IMMP2L: variants seen among roughly 807,000 people sequenced by gnomAD.
IMMP2L encodes mitochondrial inner membrane protease subunit 2.
In IMMP2L, 18 loss-of-function variants were observed where a neutral mutation model predicts 19.3. That is an observed-to-expected ratio of 0.93 (90% confidence interval 0.64 to 1.38). The LOEUF (loss-of-function observed/expected upper bound fraction) is 1.38. Ranked by LOEUF, IMMP2L falls within the 40% of genes most tolerant of loss-of-function variation. The pLI, the probability that IMMP2L is intolerant of heterozygous loss-of-function variation, is 0.00. For synonymous variants in IMMP2L, 76 were observed against 73.0 expected (o/e 1.04, Z -0.21); for missense variants, 233 against 218.2 (o/e 1.07, Z -0.43).
At chr7:111,492,888 C>T (rs149416731) in intron 2 of IMMP2L, among the ~76,000 whole-genome samples, 18 of 152,204 alleles carry the variant, frequency 1.2e-4, no homozygotes, top group East Asian at 1.9e-4. Context: ...CCCTCATGTG[C>T]GCTCCCATAG....
At chr7:110,940,399 G>A (rs1816611433) in intron 4 of IMMP2L, among the ~76,000 whole-genome samples, 1 of 151,880 alleles carries the variant, frequency 6.6e-6, no homozygotes. Flanking sequence ...CATATTTGAT[G>A]GTTATTCATT....
intron 2 of IMMP2L, among the ~76,000 whole-genome samples, chr7:111,491,509 C>G (rs1056491763): frequency 6.6e-5 from 10 of 152,070 alleles, no homozygotes; most frequent in African/African-American, 2.4e-4. Flanking sequence ...TAATTTTAAG[C>G]AGGTCTGTAC....
intron 3 of IMMP2L, among the ~76,000 whole-genome samples, chr7:111,257,399 G>A (rs1161797992): frequency 6.6e-6 from 1 of 152,076 alleles, no homozygotes; most frequent in Non-Finnish European, 1.5e-5. Flanking sequence ...CATTAAACAT[G>A]CAATTGCAAG....
At chr7:110,830,238 C>A (rs942902816) in intron 5 of IMMP2L, among the ~76,000 whole-genome samples, 3 of 152,102 alleles carry the variant, frequency 2.0e-5, no homozygotes, top group Non-Finnish European at 4.4e-5. Flanking sequence ...GGGCTGACAG[C>A]ATATACATGG....
rs58665783 is a variant in IMMP2L, at chr7:111,254,227, CTTTTG to C, written c.239+233006_239+233010del. 3.9e-3 allele frequency among the ~76,000 whole-genome samples: 583 copies of C among 151,256 alleles called. 10 individuals carry two copies. The highest frequency in any genetic ancestry group is 0.032 in the Admixed American group (489 of 15,178). ...GTAAAGTTGCTTGTCTGTTTCTTGT[CTTTTG>C]TTTTGTTTTGTTTTGTTTTGTTCTT... On this transcript the variant is annotated intron_variant, in intron 3 of 5. Transcript: ENST00000405709.
chr7:110,833,633 G>T (rs151200267), intron 5 of IMMP2L, among the ~76,000 whole-genome samples: 1 of 151,976 alleles, frequency 6.6e-6, no homozygotes, highest in Non-Finnish European at 1.5e-5. Flanking sequence ...ATTAGAAGAC[G>T]ATTTAAAGCA....
intron 5 of IMMP2L, among the ~76,000 whole-genome samples, chr7:110,754,952 T>G (rs1381819056): frequency 6.6e-6 from 1 of 151,934 alleles, no homozygotes; most frequent in Admixed American, 6.6e-5. Flanking sequence ...AAAAGACAAA[T>G]TTTAATCTGA....
At chr7:111,486,906 G>T (rs1341485505) in intron 3 of IMMP2L, among the ~76,000 whole-genome samples, 1 of 151,852 alleles carries the variant, frequency 6.6e-6, no homozygotes, top group Non-Finnish European at 1.5e-5. Context: ...AGAAAACATT[G>T]GGGTAACAAA....
At chr7:110,671,405 A>C (rs986825351) in intron 5 of IMMP2L, among the ~76,000 whole-genome samples, 15 of 152,152 alleles carry the variant, frequency 9.9e-5, no homozygotes, top group Admixed American at 6.5e-5. Flanking sequence ...CATTGTATTC[A>C]CTACTTGAAT....
At chr7:111,367,559 A>C (rs1014208254) in intron 3 of IMMP2L, among the ~76,000 whole-genome samples, 2 of 151,906 alleles carry the variant, frequency 1.3e-5, no homozygotes, top group Non-Finnish European at 2.9e-5. Context: ...TTGCTTACTA[A>C]ATGCCAGGCA....
intron 5 of IMMP2L, among the ~76,000 whole-genome samples, chr7:110,801,078 A>G (rs567883843): frequency 2.6e-5 from 4 of 152,218 alleles, no homozygotes; most frequent in African/African-American, 9.6e-5. Context: ...TTATACATGG[A>G]TGGCAGCATA....
At chr7:111,413,318 T>C (rs1777590972) in intron 3 of IMMP2L, among the ~76,000 whole-genome samples, 2 of 151,984 alleles carry the variant, frequency 1.3e-5, no homozygotes, top group African/African-American at 4.8e-5. Flanking sequence ...AAACTTTTTT[T>C]AGAAAAGAAA....
intron 3 of IMMP2L, among the ~76,000 whole-genome samples, chr7:111,188,357 C>G (rs554210251): frequency 3.9e-5 from 6 of 152,208 alleles, no homozygotes; most frequent in Admixed American, 3.3e-4. Flanking sequence ...TCAGCTTGGT[C>G]AAGTTCTGGT....
intron 3 of IMMP2L, among the ~76,000 whole-genome samples, chr7:111,007,085 G>A (rs755549129): frequency 1.3e-4 from 20 of 152,106 alleles, no homozygotes; most frequent in Non-Finnish European, 2.6e-4. Context: ...TTGAATCACA[G>A]TTCTACATGG....
intron 3 of IMMP2L, among the ~76,000 whole-genome samples, chr7:111,009,262 C>T (rs753128250): frequency 2.3e-4 from 35 of 152,046 alleles, no homozygotes; most frequent in Non-Finnish European, 4.0e-4. Flanking sequence ...TCAGTTAAGC[C>T]AAAATGTTCC....
chr7:111,036,094 C>T (rs1256498045), intron 3 of IMMP2L, among the ~76,000 whole-genome samples: 1 of 152,180 alleles, frequency 6.6e-6, no homozygotes, highest in East Asian at 1.9e-4. Flanking sequence ...ATTATTCCTT[C>T]TTTGCTACCA....
chr7:111,448,362 C>T (rs1019868407), intron 3 of IMMP2L, among the ~76,000 whole-genome samples: 29 of 150,990 alleles, frequency 1.9e-4, no homozygotes, highest in African/African-American at 6.9e-4. Flanking sequence ...AACTATCTCT[C>T]AGACCACAGT....
At chr7:111,560,519 C>T (rs1417788359) in intron 1 of IMMP2L, among the ~76,000 whole-genome samples, 1 of 152,170 alleles carries the variant, frequency 6.6e-6, no homozygotes, top group Non-Finnish European at 1.5e-5. Context: ...TCATCAAGGT[C>T]AGCCATCCTT....
chr7:110,975,085 C>T (rs1820549418), intron 3 of IMMP2L, among the ~76,000 whole-genome samples: 1 of 152,036 alleles, frequency 6.6e-6, no homozygotes, highest in Admixed American at 6.6e-5. Context: ...CCTATCTATT[C>T]ATAGTTACAC....
Sources: gnomAD v4.1 joint callset for allele counts (sites outside exome capture counted in the v4.1 genomes callset) on GRCh38, gnomAD v4.1.1 for gene constraint, MANE v1.5 for transcripts, NCBI Gene and HGNC (gene_info 2026-07-23, HGNC 2026-07-21) for gene names.